Variants in HDAC4 observed in about 807,000 individuals in gnomAD.
HDAC4 encodes the protein histone deacetylase A.
A neutral mutation model predicts 135.1 loss-of-function variants in HDAC4; 16 were observed. The observed-to-expected ratio is 0.12, with a 90% CI of 0.08 to 0.18. HDAC4 has a LOEUF of 0.18. Among genes scored for constraint, HDAC4 ranks in the 10% least tolerant of loss-of-function variants. The pLI, the probability that HDAC4 is intolerant of heterozygous loss-of-function variation, is 1.00. For missense variants in HDAC4, 1,143 were observed against 1,511.8 expected (o/e 0.76, Z 4.05); for synonymous variants, 685 against 653.4 (o/e 1.05, Z -0.74).
Position 239,081,086 on chromosome 2 carries a change from G to A in HDAC4, c.2750+9C>T. ...TACTTCAGGTGTCATGTGAAGCCGG[G>A]AGGCTCACCTGAAGGCCGCCAAGTA... On this transcript the variant is annotated intron_variant, in intron 22 of 26. Transcript: ENST00000543185. 2 of 1,602,836 alleles carry A rather than the reference G, an allele frequency of 1.2e-6. No homozygotes were observed. The highest frequency in any genetic ancestry group is 1.7e-6 in the Non-Finnish European group (2 of 1,170,406).
intron 1 of HDAC4, among the ~76,000 whole-genome samples, chr2:239,369,944 C>T (rs375835449): frequency 1.4e-4 from 21 of 152,210 alleles, no homozygotes; most frequent in Admixed American, 1.3e-4. Context: ...CCCTGGTGGG[C>T]GGAGAGAATC....
At chr2:239,196,084 A>G (rs2045358783) in intron 3 of HDAC4, among the ~76,000 whole-genome samples, 1 of 152,162 alleles carries the variant, frequency 6.6e-6, no homozygotes, top group Non-Finnish European at 1.5e-5. Flanking sequence ...AAATCAAGGG[A>G]AAAATAATAG....
At chr2:239,159,115 T>C (rs1476980545) in intron 6 of HDAC4, among the ~76,000 whole-genome samples, 1 of 145,978 alleles carries the variant, frequency 6.9e-6, no homozygotes. Flanking sequence ...CACTTCACAA[T>C]ACACCCACTC....
rs1003144323 is a variant in HDAC4, at chr2:239,400,663, C to T, written c.-220+315G>A. 12 of 146,098 alleles carry T rather than the reference C, an allele frequency of 8.2e-5. No individual in the cohort carries two copies. Among genetic ancestry groups the T allele is most frequent in the African/African-American group, 3.0e-4 (12 of 40,566 alleles). 9.1% of individuals were successfully genotyped at this position (146,098 alleles called of 1,614,324 possible). A position where few individuals can be genotyped will look rare whatever the true frequency, so the allele number is the denominator to read the frequency against. ...GCGGGGCGGGCGGCGGACAATGGCC[C>T]GCGGGCGCCGGGCCGGGGCTGCGCT... On this transcript the variant is annotated intron_variant, in intron 1 of 26. Transcript: ENST00000543185. This position sits in a 1 kb window ranked among gnomAD's most constrained non-coding sequence, Gnocchi z 4.7.
In HDAC4 at chr2:239,352,374, AACCTG is replaced by A. The variant is rs1300699500; in HGVS notation, c.22+299_22+303del. On this transcript the variant is annotated intron_variant, in intron 2 of 26. Transcript: ENST00000543185. This position sits in a 1 kb window ranked among gnomAD's most constrained non-coding sequence, Gnocchi z 4.4. ...GCAAGAAACCAGCTCTCCACATCAC[AACCTG>A]ACCTTTCAACATCACCCTTGTCAAA... is the stretch of plus-strand genomic sequence containing the variant. Among the ~76,000 whole-genome samples the A allele has an allele frequency of 6.6e-6, 1 of 152,128 alleles. No homozygotes were observed. Among genetic ancestry groups the A allele is most frequent in the East Asian group, 1.9e-4 (1 of 5,162 alleles).
chr2:239,377,644 G>A (rs1050589323), intron 1 of HDAC4, among the ~76,000 whole-genome samples: 3 of 152,220 alleles, frequency 2.0e-5, no homozygotes, highest in African/African-American at 7.2e-5. Context: ...GGAGGCCCCA[G>A]GGCCACAGTC....
intron 3 of HDAC4, among the ~76,000 whole-genome samples, chr2:239,215,792 G>A (rs2046600759): frequency 1.3e-5 from 2 of 152,200 alleles, no homozygotes; most frequent in South Asian, 2.1e-4. Flanking sequence ...CCTGGAGGAC[G>A]CGGTCATCAG....
chr2:239,117,565 CAAAAAAAAAA>C (rs34154007), intron 12 of HDAC4, among the ~76,000 whole-genome samples: 1 of 116,296 alleles, frequency 8.6e-6, no homozygotes. Context: ...CGGGAAGTGG[CAAAAAAAAAA>C]AAAAAAAAAA....
intron 2 of HDAC4, among the ~76,000 whole-genome samples, chr2:239,270,540 C>T (rs924776361): frequency 2.6e-5 from 4 of 152,064 alleles, no homozygotes; most frequent in South Asian, 4.1e-4. Context: ...TGAAATAGTC[C>T]GGGGGCTAAA....
Position 239,309,596 on chromosome 2 carries a change from C to A in HDAC4, c.22+43082G>T, listed in dbSNP as rs556001835. Among the ~76,000 whole-genome samples the A allele has an allele frequency of 2.0e-5, 3 of 152,368 alleles. No individual in the cohort carries two copies. The East Asian group carries it at 5.8e-4, about 29-fold the overall frequency. On this transcript the variant is annotated intron_variant, in intron 2 of 26. Coordinates refer to ENST00000543185, the MANE Select transcript of HDAC4 (RefSeq NM_001378414.1). The surrounding 1 kb of genome is among the most constrained non-coding windows in gnomAD (Gnocchi z 4.2). The stretch of plus-strand genomic sequence containing the variant: ...CACCTGGCGGGAGGCTCTGGCCTTG[C>A]AGGCGTGCAGGAGCCCCTGCCAGTG...
intron 16 of HDAC4, among the ~76,000 whole-genome samples, chr2:239,096,570 ACCCCCCACGAACACCTG>A (rs1374218977): frequency 0.25 from 8,824 of 34,814 alleles, 1,154 homozygotes; most frequent in Non-Finnish European, 0.28. Context: ...AGACGCCTAC[ACCCCCCACGAACACCTG>A]CACCCCCCAC....
rs3841081 is a variant in HDAC4 at position 239,048,560 on chromosome 2, TATAGATAGATAGATAG to T, written c.*4521_*4536del. ...GGGTGAGTAAGGTTCAAGCCCCCTG[TATAGATAGATAGATAG>T]ATAGATAGATAGATAGATTATATAT... is the stretch of plus-strand genomic sequence containing the variant. On this transcript the variant is annotated 3_prime_UTR_variant, in exon 27 of 27. Transcript: ENST00000543185. 5 of 149,948 alleles carry T rather than the reference TATAGATAGATAGATAG, an allele frequency of 3.3e-5. No homozygotes were observed. Among genetic ancestry groups the T allele is most frequent in the African/African-American group, 7.4e-5 (3 of 40,590 alleles). The allele number at this position is 149,948 out of a possible 1,614,324, so 9.3% of individuals were successfully genotyped here.
At chr2:239,092,139 T>C (rs954100507) in intron 17 of HDAC4, among the ~76,000 whole-genome samples, 7 of 151,614 alleles carry the variant, frequency 4.6e-5, no homozygotes, top group Non-Finnish European at 8.8e-5. Context: ...CTCAGGACGC[T>C]GAGGCGGGAA....
At chr2:239,252,927 G>A (rs1404491744) in intron 2 of HDAC4, among the ~76,000 whole-genome samples, 1 of 152,192 alleles carries the variant, frequency 6.6e-6, no homozygotes, top group East Asian at 1.9e-4. Context: ...CGCACCACCT[G>A]CGCTTCGCCG....
intron 1 of HDAC4, among the ~76,000 whole-genome samples, chr2:239,374,350 G>A (rs544186264): frequency 2.0e-5 from 3 of 149,092 alleles, no homozygotes; most frequent in East Asian, 2.0e-4. Flanking sequence ...GTGACCAGGA[G>A]AGGAGGAAAC....
At chr2:239,214,457 C>T (rs1028030172) in intron 3 of HDAC4, among the ~76,000 whole-genome samples, 24 of 152,236 alleles carry the variant, frequency 1.6e-4, no homozygotes, top group Non-Finnish European at 3.2e-4. Flanking sequence ...TAAGGTTACA[C>T]AGTCACAGGG....
At position 239,340,238 on chromosome 2, in the gene HDAC4, G is replaced by A. The variant is rs191162593; in HGVS notation, c.22+12440C>T. On this transcript the variant is annotated intron_variant, in intron 2 of 26. Coordinates refer to ENST00000543185, the MANE Select transcript of HDAC4 (RefSeq NM_001378414.1). ...CAGCTGTTCACAGTAGGCTGTGCAA[G>A]CATGGACACAGCCCCACCCGTCTTC... Among the ~76,000 whole-genome samples, 1,430 of 152,340 alleles carry A rather than the reference G, an allele frequency of 9.4e-3. 20 individuals carry two copies. Among genetic ancestry groups the A allele is most frequent in the African/African-American group, 0.031 (1,301 of 41,572 alleles).
At chr2:239,113,595 A>C (rs1435538423) in intron 13 of HDAC4, among the ~76,000 whole-genome samples, 1 of 152,250 alleles carries the variant, frequency 6.6e-6, no homozygotes, top group Non-Finnish European at 1.5e-5. Context: ...GAATATAACA[A>C]GCCTCTTTTT....
At chr2:239,065,696 G>A (rs1288045664) in intron 24 of HDAC4, among the ~76,000 whole-genome samples, 1 of 152,218 alleles carries the variant, frequency 6.6e-6, no homozygotes, top group Non-Finnish European at 1.5e-5. Context: ...TGCATCTGGT[G>A]TGCTGGAGCC....
Sources: gnomAD v4.1 joint callset for allele counts (sites outside exome capture counted in the v4.1 genomes callset) on GRCh38, gnomAD v4.1.1 for gene constraint, Gnocchi (gnomAD v3.1) non-coding constraint, MANE v1.5 for transcripts, NCBI Gene and HGNC (gene_info 2026-07-23, HGNC 2026-07-21) for gene names.